The following DOCK3 variants were observed in gnomAD, a reference collection of about 807,000 sequenced individuals.
The protein encoded by DOCK3 is dedicator of cytokinesis protein 3.
In DOCK3, 60 loss-of-function variants were observed where a neutral mutation model predicts 265.6. The observed-to-expected ratio is 0.23, with a 90% CI of 0.18 to 0.28. DOCK3 has a LOEUF of 0.28. DOCK3 is among the 10% of genes least tolerant of loss of function. The pLI, the probability that DOCK3 is intolerant of heterozygous loss-of-function variation, is 1.00. For synonymous variants in DOCK3, 881 were observed against 938.0 expected (o/e 0.94, Z 1.11); for missense variants, 1,981 against 2,594.3 (o/e 0.76, Z 5.14).
intron 5 of DOCK3, among the ~76,000 whole-genome samples, chr3:50,970,891 T>TTA (rs55749209): frequency 5.9e-3 from 71 of 12,128 alleles, no homozygotes; most frequent in Non-Finnish European, 6.6e-3. Context: ...CATCTAATTT[T>TTA]TATATATATA....
At chr3:51,247,070 TAGTATC>T (rs1490945450) in intron 22 of DOCK3, among the ~76,000 whole-genome samples, 4 of 152,180 alleles carry the variant, frequency 2.6e-5, no homozygotes, top group Non-Finnish European at 5.9e-5. Flanking sequence ...TTGTTACCCA[TAGTATC>T]AGTCCTTTCT....
At chr3:50,816,694 T>C (rs2675828) in intron 2 of DOCK3, among the ~76,000 whole-genome samples, 14,339 of 152,176 alleles carry the variant, frequency 0.094, 831 homozygotes, top group Non-Finnish European at 0.12. Flanking sequence ...TTTTTTCTAA[T>C]CTTTTCTATG....
chr3:50,897,242 T>A (rs1046689104), intron 4 of DOCK3, among the ~76,000 whole-genome samples: 15 of 152,174 alleles, frequency 9.9e-5, no homozygotes, highest in Non-Finnish European at 2.1e-4. Flanking sequence ...ATTCTCTTTG[T>A]AGCAATTTTG....
At chr3:51,290,296 CAAT>C (rs1422195987) in intron 27 of DOCK3, among the ~76,000 whole-genome samples, 10 of 152,266 alleles carry the variant, frequency 6.6e-5, no homozygotes, top group African/African-American at 2.4e-4. Context: ...AGATGTCCAA[CAAT>C]GATAGACTGG....
intron 2 of DOCK3, among the ~76,000 whole-genome samples, chr3:50,831,960 T>A (rs898000791): frequency 3.3e-5 from 5 of 152,330 alleles, no homozygotes; most frequent in African/African-American, 1.2e-4. Flanking sequence ...TGGTTTTGAT[T>A]TGCATTTCTC....
chr3:50,751,408 G>A (rs1344758379), intron 1 of DOCK3, among the ~76,000 whole-genome samples: 2 of 152,072 alleles, frequency 1.3e-5, no homozygotes, highest in Admixed American at 1.3e-4. Flanking sequence ...TTGTCCTAAT[G>A]CTCTCCCTCC....
intron 5 of DOCK3, among the ~76,000 whole-genome samples, chr3:51,036,285 C>G (rs1167990657): frequency 1.3e-5 from 2 of 152,154 alleles, no homozygotes; most frequent in Non-Finnish European, 2.9e-5. Context: ...ATACTATATT[C>G]CTCCTTGAGA....
At chr3:51,014,399 G>A (rs541623368) in intron 5 of DOCK3, among the ~76,000 whole-genome samples, 4 of 151,782 alleles carry the variant, frequency 2.6e-5, no homozygotes, top group South Asian at 2.1e-4. Flanking sequence ...CACCTCCCTC[G>A]ACACTTATAC....
chr3:51,303,109 C>G (rs2082446424), intron 27 of DOCK3, among the ~76,000 whole-genome samples: 1 of 147,286 alleles, frequency 6.8e-6, no homozygotes, highest in South Asian at 2.4e-4. Context: ...TTGTTTGTTC[C>G]TTTTCATTTT....
intron 5 of DOCK3, among the ~76,000 whole-genome samples, chr3:51,060,370 T>C (rs577834680): frequency 6.6e-6 from 1 of 152,316 alleles, no homozygotes; most frequent in Non-Finnish European, 1.5e-5. Flanking sequence ...TGGTAGTTTC[T>C]TTTGCTGTGC....
At chr3:50,761,534 C>G (rs1431750264) in intron 1 of DOCK3, among the ~76,000 whole-genome samples, 1 of 152,182 alleles carries the variant, frequency 6.6e-6, no homozygotes, top group African/African-American at 2.4e-5. Flanking sequence ...GGCCTAGATT[C>G]CACCTTTGGT....
chr3:51,241,962 G>A lies in DOCK3; in HGVS notation c.2102+4372G>A, dbSNP rs1278916852. Among the ~76,000 whole-genome samples, 4 of 152,246 alleles carry A rather than the reference G, an allele frequency of 2.6e-5. No homozygotes were observed. The East Asian group carries it at 7.7e-4, about 29-fold the overall frequency. ...TCAGCCCAGTTCAGAACCCTTGCTG[G>A]AGAGGTGATGCAGTCATTTGGAGGA... On this transcript the variant is annotated intron_variant, in intron 21 of 52. Coordinates refer to ENST00000266037, the MANE Select transcript of DOCK3 (RefSeq NM_004947.5).
chr3:51,249,250 G>A lies in DOCK3; in HGVS notation c.2184+2443G>A, dbSNP rs866659451. Among the ~76,000 whole-genome samples the A allele has an allele frequency of 8.5e-4, 116 of 136,826 alleles. 1 individual carries two copies. Among genetic ancestry groups the A allele is most frequent in the Non-Finnish European group, 8.1e-4 (51 of 62,650 alleles). 89.8% of individuals were successfully genotyped at this position (136,826 alleles called of 152,430 possible). A position where few individuals can be genotyped will look rare whatever the true frequency, so the allele number is the denominator to read the frequency against. ...AGCCGCCCTGTCCGGGAGGTGAGGG[G>A]CGCCTCTGCCCGGCCGCCCCTACTG... On this transcript the variant is annotated intron_variant, in intron 22 of 52. Coordinates refer to ENST00000266037, the MANE Select transcript of DOCK3 (RefSeq NM_004947.5).
intron 22 of DOCK3, among the ~76,000 whole-genome samples, chr3:51,251,145 T>A (rs980627272): frequency 6.6e-6 from 1 of 152,218 alleles, no homozygotes; most frequent in Non-Finnish European, 1.5e-5. Context: ...TTGCGATAGT[T>A]TGCTCAGAAT....
In DOCK3 at chr3:50,983,298, G is replaced by A. The variant is rs149810188; in HGVS notation, c.315+49221G>A. ...CAGACAGGCTCCTGGGTGGAAGGGG[G>A]TGGGTCCCTGATGAGGCCCCACCTT... On this transcript the variant is annotated intron_variant, in intron 5 of 52. Coordinates refer to ENST00000266037, the MANE Select transcript of DOCK3 (RefSeq NM_004947.5). 6.0e-3 allele frequency among the ~76,000 whole-genome samples: 913 copies of A among 152,226 alleles called. 28 individuals carry two copies. The highest frequency in any genetic ancestry group is 0.044 in the Admixed American group (667 of 15,300).
At chr3:50,713,202 A>G (rs145006888) in intron 1 of DOCK3, among the ~76,000 whole-genome samples, 101 of 152,342 alleles carry the variant, frequency 6.6e-4, no homozygotes, top group African/African-American at 2.4e-3. Flanking sequence ...GGATCTGGAA[A>G]TGGGTTAGCT....
chr3:50,721,405 A>G (rs900245461), intron 1 of DOCK3, among the ~76,000 whole-genome samples: 1 of 152,230 alleles, frequency 6.6e-6, no homozygotes, highest in African/African-American at 2.4e-5. Context: ...TCATCTGCAT[A>G]TGGCTACCCA....
At position 51,153,805 on chromosome 3, in the gene DOCK3, T is replaced by C. The variant is rs141940203; in HGVS notation, c.829-5439T>C. Among the ~76,000 whole-genome samples, 572 of 152,350 alleles carry C rather than the reference T, an allele frequency of 3.8e-3. 5 individuals carry two copies. Among genetic ancestry groups the C allele is most frequent in the Middle Eastern group, 0.037 (11 of 294 alleles). ...TTGCCATGTGTGTTCTTCAAGTTTA[T>C]TCTGATTTACTAATTTGTTTTTACC... is the stretch of plus-strand genomic sequence containing the variant. On this transcript the variant is annotated intron_variant, in intron 10 of 52. Transcript: ENST00000266037.
chr3:51,256,545 A>G (rs1024009980), intron 22 of DOCK3, among the ~76,000 whole-genome samples: 27 of 150,762 alleles, frequency 1.8e-4, no homozygotes, highest in Non-Finnish European at 3.5e-4. Context: ...TTCTGGGATT[A>G]CAGGTGTGAG....
Sources: gnomAD v4.1 joint callset for allele counts (sites outside exome capture counted in the v4.1 genomes callset) on GRCh38, gnomAD v4.1.1 for gene constraint, MANE v1.5 for transcripts, NCBI Gene and HGNC (gene_info 2026-07-23, HGNC 2026-07-21) for gene names.